The following KIAA1958 variants were observed in gnomAD, a reference collection of about 807,000 sequenced individuals.
KIAA1958 encodes uncharacterized protein KIAA1958.
A neutral mutation model predicts 47.2 loss-of-function variants in KIAA1958; 14 were observed. That is an observed-to-expected ratio of 0.30 (90% CI 0.20 to 0.46). KIAA1958 has a LOEUF of 0.46. KIAA1958 is among the 20% of genes least tolerant of loss of function. The pLI is 1.00. For synonymous variants in KIAA1958, 354 were observed against 353.3 expected (o/e 1.00, Z -0.02); for missense variants, 803 against 909.2 (o/e 0.88, Z 1.50).
rs1235880998 is a variant in KIAA1958, at chr9:112,663,390, G to T, written c.*3321G>T. ...CATCATAAGCATGCAATAAATGTTA[G>T]CCAGCTTAGTTATAACTTTTGGTAA... On this transcript the variant is annotated 3_prime_UTR_variant, in exon 4 of 4. Coordinates refer to ENST00000337530, the MANE Select transcript of KIAA1958 (RefSeq NM_133465.4). 6.6e-6 allele frequency: 1 copy of T among 152,140 alleles called. No homozygotes were observed. The highest frequency in any genetic ancestry group is 6.5e-5 in the Admixed American group (1 of 15,282). 9.4% of individuals were successfully genotyped at this position (152,140 alleles called of 1,614,324 possible).
chr9:112,512,925 C>T (rs1834346106), intron 1 of KIAA1958, among the ~76,000 whole-genome samples: 1 of 152,104 alleles, frequency 6.6e-6, no homozygotes, highest in Admixed American at 6.6e-5. Flanking sequence ...GCAACTTCTG[C>T]CTTCCAGATT....
intron 2 of KIAA1958, among the ~76,000 whole-genome samples, chr9:112,621,332 G>A (rs1235152849): frequency 6.6e-6 from 1 of 152,080 alleles, no homozygotes. Context: ...CCTACTTTAA[G>A]GGAACTCTTA....
intron 1 of KIAA1958, among the ~76,000 whole-genome samples, chr9:112,528,389 G>T (rs1439566149): frequency 6.6e-5 from 10 of 152,116 alleles, no homozygotes; most frequent in Admixed American, 6.6e-4. Context: ...CCTGTGCAGG[G>T]TTAAGTATTC....
chr9:112,590,781 A>G (rs1216633301), intron 2 of KIAA1958, among the ~76,000 whole-genome samples: 1 of 152,216 alleles, frequency 6.6e-6, no homozygotes, highest in Non-Finnish European at 1.5e-5. Flanking sequence ...AGTTGGTCCT[A>G]GTGAATAAAG....
intron 2 of KIAA1958, among the ~76,000 whole-genome samples, chr9:112,588,846 C>T (rs1835872246): frequency 6.6e-6 from 1 of 152,024 alleles, no homozygotes; most frequent in African/African-American, 2.4e-5. Context: ...CTTTTTCCCC[C>T]TTGTTTTGGT....
chr9:112,572,795 C>T (rs1835562025), intron 1 of KIAA1958, among the ~76,000 whole-genome samples: 1 of 152,160 alleles, frequency 6.6e-6, no homozygotes, highest in South Asian at 2.1e-4. Context: ...TGGCCGTGGC[C>T]ACATCAACAG....
chr9:112,604,875 G>A (rs10981455), intron 2 of KIAA1958, among the ~76,000 whole-genome samples: 29,603 of 147,338 alleles, frequency 0.2, 3,960 homozygotes, highest in Non-Finnish European at 0.31. Context: ...GACTTAACAG[G>A]GCGTGGACAC....
At chr9:112,657,291 C>T (rs775673776) in intron 3 of KIAA1958, among the ~76,000 whole-genome samples, 8 of 151,946 alleles carry the variant, frequency 5.3e-5, no homozygotes, top group African/African-American at 9.7e-5. Context: ...GAAGGGGTTT[C>T]GCCATGTTGG....
intron 1 of KIAA1958, among the ~76,000 whole-genome samples, chr9:112,549,820 G>A (rs1387887692): frequency 6.6e-6 from 1 of 152,158 alleles, no homozygotes; most frequent in African/African-American, 2.4e-5. Context: ...TATGCTACTG[G>A]CATCTAGTGG....
intron 2 of KIAA1958, among the ~76,000 whole-genome samples, chr9:112,603,284 TCTC>T (rs1836166700): frequency 6.6e-6 from 1 of 152,088 alleles, no homozygotes; most frequent in African/African-American, 2.4e-5. Context: ...TTCAGTCTCT[TCTC>T]CTTGCATATG....
At position 112,618,243 on chromosome 9, in the gene KIAA1958, A is replaced by G. The variant is rs1363491506; in HGVS notation, c.1172-27407A>G. ...TGTAAAGGAAAAGGAAATAAGCCAC[A>G]CAAGTCCATGAAGCTCACCTTTGCT... On this transcript the variant is annotated intron_variant, in intron 2 of 3. Coordinates refer to ENST00000337530, the MANE Select transcript of KIAA1958 (RefSeq NM_133465.4). This position sits in a 1 kb window ranked among gnomAD's most constrained non-coding sequence, Gnocchi z 7.1. 1.9e-6 allele frequency: 3 copies of G among 1,550,640 alleles called. No homozygotes were observed. The highest frequency in any genetic ancestry group is 2.7e-5 in the African/African-American group (2 of 73,044).
Position 112,633,206 on chromosome 9 carries a change from T to C in KIAA1958, c.1172-12444T>C, listed in dbSNP as rs762829216. Among the ~76,000 whole-genome samples, 119 of 133,878 alleles carry C rather than the reference T, an allele frequency of 8.9e-4. 1 individual carries two copies. Among genetic ancestry groups the C allele is most frequent in the Non-Finnish European group, 1.5e-3 (93 of 62,626 alleles). The allele number at this position is 133,878 out of a possible 152,430, so 87.8% of individuals were successfully genotyped here. On this transcript the variant is annotated intron_variant, in intron 2 of 3. Transcript: ENST00000337530. ...TTAAATTACAGTGGTGTTATGATAC[T>C]TTTTTTTTTTTTTAGGGCAACTCCT...
At chr9:112,571,563 ATT>A (rs1393372234) in intron 1 of KIAA1958, among the ~76,000 whole-genome samples, 4 of 152,162 alleles carry the variant, frequency 2.6e-5, no homozygotes, top group Non-Finnish European at 5.9e-5. Flanking sequence ...GCCTTAACAA[ATT>A]TGGACTCTCT....
intron 2 of KIAA1958, among the ~76,000 whole-genome samples, chr9:112,621,127 G>C (rs1182427357): frequency 2.0e-5 from 3 of 152,050 alleles, no homozygotes; most frequent in Non-Finnish European, 4.4e-5. Context: ...CCAGAGCTGG[G>C]GACACAGTGT....
intron 3 of KIAA1958, among the ~76,000 whole-genome samples, chr9:112,655,944 G>A (rs943265086): frequency 2.0e-5 from 3 of 152,194 alleles, no homozygotes; most frequent in African/African-American, 7.2e-5. Context: ...CCTGGTGTAA[G>A]TTGAATAAGT....
chr9:112,489,699 T>A lies in KIAA1958; in HGVS notation c.-25+2581T>A, dbSNP rs145363722. On this transcript the variant is annotated intron_variant, in intron 1 of 3. Transcript: ENST00000337530. The stretch of plus-strand genomic sequence containing the variant: ...CAAATAAGTGCTGCTTCCAGAAAAT[T>A]TGAATTTGTGTAAAACTGGATTTTT... Among the ~76,000 whole-genome samples the A allele has an allele frequency of 4.8e-3, 737 of 152,294 alleles. 6 individuals are homozygous for A. Among genetic ancestry groups the A allele is most frequent in the African/African-American group, 0.017 (698 of 41,564 alleles).
At chr9:112,627,337 A>G (rs757489882) in intron 2 of KIAA1958, among the ~76,000 whole-genome samples, 2 of 152,258 alleles carry the variant, frequency 1.3e-5, no homozygotes, top group African/African-American at 4.8e-5. Context: ...CAATCAAATG[A>G]CTAGCGGTAG....
chr9:112,634,336 C>T (rs896697632), intron 2 of KIAA1958, among the ~76,000 whole-genome samples: 1 of 152,132 alleles, frequency 6.6e-6, no homozygotes. Context: ...TCAAGCGATT[C>T]TCCTGCCTCA....
chr9:112,594,022 A>G (rs1292740246), intron 2 of KIAA1958, among the ~76,000 whole-genome samples: 1 of 151,908 alleles, frequency 6.6e-6, no homozygotes, highest in African/African-American at 2.4e-5. Context: ...GCACTACCAC[A>G]TCTGGCTATT....
Sources: gnomAD v4.1 joint callset for allele counts (sites outside exome capture counted in the v4.1 genomes callset) on GRCh38, gnomAD v4.1.1 for gene constraint, Gnocchi (gnomAD v3.1) non-coding constraint, MANE v1.5 for transcripts, NCBI Gene and HGNC (gene_info 2026-07-23, HGNC 2026-07-21) for gene names.